THG1L: variants seen among roughly 807,000 people sequenced by gnomAD.
The protein encoded by THG1L is probable tRNA(His) guanylyltransferase.
Under a neutral mutation model 35.2 loss-of-function variants are expected in THG1L, and 27 were observed. The observed-to-expected ratio is 0.77, with a 90% CI of 0.57 to 1.06. The LOEUF (loss-of-function observed/expected upper bound fraction) is 1.06, where lower values mean the gene tolerates loss of function less well. THG1L is among the 50% of genes least tolerant of loss of function. THG1L has a pLI of 0.00. For synonymous variants in THG1L, 135 were observed against 132.4 expected (o/e 1.02, Z -0.14); for missense variants, 377 against 371.8 (o/e 1.01, Z -0.12).
intron 1 of THG1L, 38 bp downstream of exon 1, chr5:157,731,669 C>T (rs1184990383): frequency 1.3e-6 from 2 of 1,569,372 alleles, no homozygotes; most frequent in African/African-American, 1.4e-5. Context: ...GATGCGCCAG[C>T]GCTTCCGGGG....
At chr5:157,737,829 A>G (rs1278648075) in intron 4 of THG1L, 58 bp from the exon 5 acceptor site, 17 of 1,365,802 alleles carry the variant, frequency 1.2e-5, no homozygotes, top group Admixed American at 1.9e-5. Context: ...AATGGATAGT[A>G]GCACTAGGGG....
chr5:157,738,664 C>G (rs774360355), intron 5 of THG1L: 1 of 434,276 alleles, frequency 2.3e-6, no homozygotes, highest in African/African-American at 2.1e-5. Flanking sequence ...ACTGGCAACT[C>G]CAGCTCTTTG....
At position 157,731,495 on chromosome 5, in the gene THG1L, ACT is replaced by A; in HGVS notation, c.58_59del (p.Leu20GlufsTer24). The part of the protein sequence containing the change: ...VHDSLATISI[T>X]LRRYLRLGAT... ...CGATTCCTTGGCCACCATTTCCATC[ACT>A]CTGAGACGGTACCTGAGATTGGGGG... On this transcript the variant is annotated frameshift_variant, in exon 1 of 6. Coordinates refer to ENST00000231198, the MANE Select transcript of THG1L (RefSeq NM_017872.5). LOFTEE classifies it high-confidence loss of function. 1 of 1,609,974 alleles carries A rather than the reference ACT, an allele frequency of 6.2e-7. No individual in the cohort carries two copies. Among genetic ancestry groups the A allele is most frequent in the Non-Finnish European group, 8.5e-7 (1 of 1,178,026 alleles).
rs1371229694 is a variant in THG1L at position 157,739,591 on chromosome 5, G to A, written c.*109G>A. 5.5e-6 allele frequency: 7 copies of A among 1,276,054 alleles called. No homozygotes were observed. The highest frequency in any genetic ancestry group is 5.3e-6 in the Non-Finnish European group (5 of 940,024). The allele number at this position is 1,276,054 out of a possible 1,614,324, so 79.0% of individuals were successfully genotyped here. A position where few individuals can be genotyped will look rare whatever the true frequency, so the allele number is the denominator to read the frequency against. On this transcript the variant is annotated 3_prime_UTR_variant, in exon 6 of 6. Coordinates refer to ENST00000231198, the MANE Select transcript of THG1L (RefSeq NM_017872.5). Reference sequence around the variant, plus strand: ...TCCCTACCACCCAGGACACTGGTGCGAATGACACAACTCAAGTTGGGAGGG... The same window carrying A: ...TCCCTACCACCCAGGACACTGGTGCAAATGACACAACTCAAGTTGGGAGGG...
In THG1L at chr5:157,732,878, A is replaced by T. The variant is rs1760765593; in HGVS notation, c.202A>T (p.Lys68Ter). 2 of 1,614,194 alleles carry T rather than the reference A, an allele frequency of 1.2e-6. No individual in the cohort carries two copies. Among genetic ancestry groups the T allele is most frequent in the East Asian group, 4.5e-5 (2 of 44,886 alleles). ...TTTTCCCCTGTGAAGGTTTGCTGAG[A>T]AGCACAACTTTGCAAAACCCAATGA... ...DGRNFHRFAE[K>*]HNFAKPNDSR... The change falls in exon 2 of 6, where the codon AAG becomes TAG. Residue 68 changes from lysine to a stop codon, truncating the protein, a stop_gained. Coordinates refer to ENST00000231198, the MANE Select transcript of THG1L (RefSeq NM_017872.5). LOFTEE classifies it high-confidence loss of function.
chr5:157,733,650 C>A lies in THG1L; in HGVS notation c.368+606C>A, dbSNP rs992404117. Among the ~76,000 whole-genome samples the A allele has an allele frequency of 2.0e-5, 3 of 150,444 alleles. No individual in the cohort carries two copies. The South Asian group carries it at 6.7e-4, about 34-fold the overall frequency. The stretch of plus-strand genomic sequence containing the variant: ...CCAGCCTGAATTGGCATTTTTTTTA[C>A]AACAATGGTTTCTCTCCTTTCATGA... On this transcript the variant is annotated intron_variant, in intron 2 of 5. Transcript: ENST00000231198.
chr5:157,737,490 A>C (rs1449761991), intron 4 of THG1L, among the ~76,000 whole-genome samples: 1 of 152,362 alleles, frequency 6.6e-6, no homozygotes, highest in Middle Eastern at 3.4e-3. Flanking sequence ...CTAAAAAAAA[A>C]AAAGGCATAC....
rs1760729229 is a variant in THG1L at position 157,731,768 on chromosome 5, G to T, written c.191+137G>T. 3 of 1,115,344 alleles carry T rather than the reference G, an allele frequency of 2.7e-6. No homozygotes were observed. In the South Asian group the frequency reaches 4.8e-5, roughly 18 times the overall value. 69.1% of individuals were successfully genotyped at this position (1,115,344 alleles called of 1,614,324 possible). ...GTAGCCAATGAGTGCGCAGCATGGA[G>T]CATTGCCCCGCCCTGCGTGTTGGCT... On this transcript the variant is annotated intron_variant, in intron 1 of 5. Transcript: ENST00000231198.
rs1043279200 is a variant in THG1L, at chr5:157,738,013, A to C, written c.735+19A>C. The C allele has an allele frequency of 6.3e-6, 10 of 1,590,286 alleles. No homozygotes were observed. In the Admixed American group the frequency reaches 6.8e-5, roughly 11 times the overall value. On this transcript the variant is annotated intron_variant, in intron 5 of 5. Coordinates refer to ENST00000231198, the MANE Select transcript of THG1L (RefSeq NM_017872.5). ...GCAGAAGGTAATGCTGTTATGTTCA[A>C]AGAAAAATGGAAGTCAGGAAAAAAG...
intron 2 of THG1L, among the ~76,000 whole-genome samples, chr5:157,734,035 A>G (rs919748468): frequency 6.6e-6 from 1 of 152,162 alleles, no homozygotes; most frequent in Non-Finnish European, 1.5e-5. Context: ...TCCTGTAGGG[A>G]AAGGTTTAGT....
intron 5 of THG1L, chr5:157,738,824 CTT>C (rs33954159): frequency 8.3e-3 from 1,347 of 162,450 alleles, no homozygotes; most frequent in South Asian, 0.027. Flanking sequence ...ATAGTATAAC[CTT>C]TTTTTTTTTT....
chr5:157,735,344 C>T (rs1380147881), intron 3 of THG1L, among the ~76,000 whole-genome samples: 1 of 152,214 alleles, frequency 6.6e-6, no homozygotes, highest in Non-Finnish European at 1.5e-5. Context: ...TACACACACA[C>T]ACACACACAA....
At chr5:157,738,532 C>T (rs1031627583) in intron 5 of THG1L, 3 of 391,708 alleles carry the variant, frequency 7.7e-6, no homozygotes, top group Non-Finnish European at 4.9e-6. Flanking sequence ...CTCTCTGTAC[C>T]AGCTGTTAGG....
At chr5:157,733,330 T>C (rs1760779535) in intron 2 of THG1L, among the ~76,000 whole-genome samples, 1 of 152,246 alleles carries the variant, frequency 6.6e-6, no homozygotes, top group Non-Finnish European at 1.5e-5. Flanking sequence ...GAATGTAATA[T>C]TAACAATTCA....
Position 157,734,651 on chromosome 5 carries a change from G to T in THG1L, c.444G>T (p.Gln148His). 1 of 1,614,078 alleles carries T rather than the reference G, an allele frequency of 6.2e-7. No individual in the cohort carries two copies. Among genetic ancestry groups the T allele is most frequent in the Non-Finnish European group, 8.5e-7 (1 of 1,180,020 alleles). ...ATTGGCGGGATTACTTTGAGGACCA[G>T]CCCCTTCTGTATCCCCCAGGCTTTG... Reference protein sequence around the residue: ...VFYWRDYFEDQPLLYPPGFDG... With the variant: ...VFYWRDYFEDHPLLYPPGFDG... The change falls in exon 3 of 6, where the codon CAG (glutamine) becomes CAT (histidine). Residue 148 changes from glutamine to histidine, a missense_variant. Coordinates refer to ENST00000231198, the MANE Select transcript of THG1L (RefSeq NM_017872.5).
chr5:157,739,136 T>C (rs1301494622), intron 5 of THG1L, among the ~76,000 whole-genome samples, 185 bp from the exon 6 acceptor site: 1 of 152,112 alleles, frequency 6.6e-6, no homozygotes, highest in African/African-American at 2.4e-5. Flanking sequence ...AGATTTTATA[T>C]ATATATGTAT....
At position 157,739,434 on chromosome 5, in the gene THG1L, G is replaced by T. The variant is rs767976633; in HGVS notation, c.849G>T (p.Gly283=). The T allele has an allele frequency of 6.2e-7, 1 of 1,613,590 alleles. No individual in the cohort carries two copies. The highest frequency in any genetic ancestry group is 8.5e-7 in the Non-Finnish European group (1 of 1,179,734). Residue 283 remains glycine, a synonymous_variant, in exon 6 of 6, where the codon GGG becomes GGT. Transcript: ENST00000231198. ...TGCCCTTGCACTGCGATATCATCGGGGATGCTTTCTGGAAGGAACATCCAG... is the reference window on the plus strand; with the variant it reads ...TGCCCTTGCACTGCGATATCATCGGTGATGCTTTCTGGAAGGAACATCCAG... ...KPVPLHCDII[G]DAFWKEHPEI...
In THG1L at chr5:157,732,215, C is replaced by CAAAAAAAAAAAAAAA. The variant is rs34744387; in HGVS notation, c.191+599_191+613dup. ...TGTTGTTTGTGAAACTCCGCCACTA[C>CAAAAAAAAAAAAAAA]AAAAAAAAAAAAAAAAAAAAAAAAA... On this transcript the variant is annotated intron_variant, in intron 1 of 5. Coordinates refer to ENST00000231198, the MANE Select transcript of THG1L (RefSeq NM_017872.5). Among the ~76,000 whole-genome samples the CAAAAAAAAAAAAAAA allele has an allele frequency of 1.9e-4, 10 of 53,900 alleles. 1 individual carries two copies. The highest frequency in any genetic ancestry group is 5.3e-4 in the Admixed American group (2 of 3,756). 35.4% of individuals were successfully genotyped at this position (53,900 alleles called of 152,430 possible).
At position 157,733,043 on chromosome 5, in the gene THG1L, A is replaced by T; in HGVS notation, c.367A>T (p.Ser123Cys). The T allele has an allele frequency of 6.2e-7, 1 of 1,613,872 alleles. No homozygotes were observed. Among genetic ancestry groups the T allele is most frequent in the Non-Finnish European group, 8.5e-7 (1 of 1,179,748 alleles). Residue 123 changes from serine (S) to cysteine (C), a missense_variant and splice_region_variant, in exon 2 of 6, where the codon AGT becomes TGT. Ser to Cys is a moderately radical substitution (Grantham distance 112, BLOSUM62 -1). Transcript: ENST00000231198. ...RKTNWFKRRA[S>C]KFMTHVASQF... is the part of the protein sequence containing the mutation. ...AACCAATTGGTTTAAAAGAAGAGCC[A>T]GGTAATTCCATGACCTAACTCCTTT...
Sources: allele counts gnomAD v4.1 joint callset (sites outside exome capture counted in the v4.1 genomes callset), GRCh38; gene constraint gnomAD v4.1.1; transcripts MANE v1.5; gene names NCBI Gene and HGNC (gene_info 2026-07-23, HGNC 2026-07-21).